COQ7: variants seen among roughly 807,000 people sequenced by gnomAD.
The protein encoded by COQ7 is coenzyme Q7, hydroxylase.
In COQ7, 21 loss-of-function variants were observed where a neutral mutation model predicts 25.0. That is an observed-to-expected ratio of 0.84 (90% CI 0.60 to 1.21). COQ7 has a LOEUF of 1.21. COQ7 is among the 50% of genes most tolerant of loss of function. The pLI is 0.00. For synonymous variants in COQ7, 125 were observed against 112.4 expected (o/e 1.11, Z -0.71); for missense variants, 311 against 296.2 (o/e 1.05, Z -0.37).
intron 2 of COQ7, chr16:19,072,314 C>T: frequency 1.7e-6 from 1 of 588,030 alleles, no homozygotes; most frequent in Admixed American, 3.1e-5. Context: ...AGTACATAGA[C>T]AGGTATGCGG....
At chr16:19,075,211 T>C (rs1037624553) in intron 3 of COQ7, among the ~76,000 whole-genome samples, 6 of 149,906 alleles carry the variant, frequency 4.0e-5, no homozygotes, top group African/African-American at 7.4e-5. Flanking sequence ...TTTTTTTTTT[T>C]TTTTTTTTTG....
intron 1 of COQ7, among the ~76,000 whole-genome samples, chr16:19,071,062 A>G (rs533006111): frequency 6.6e-6 from 1 of 152,348 alleles, no homozygotes; most frequent in East Asian, 1.9e-4. Context: ...AGTGAAATCT[A>G]GGCTCCAAGG....
chr16:19,074,316 GA>G (rs1457577803), intron 3 of COQ7, among the ~76,000 whole-genome samples: 1 of 151,910 alleles, frequency 6.6e-6, no homozygotes. Context: ...ATGAGGTCAG[GA>G]GTTCGAGACC....
chr16:19,080,972 A>C (rs939124196), downstream of COQ7, among the ~76,000 whole-genome samples: 1 of 152,220 alleles, frequency 6.6e-6, no homozygotes, highest in Non-Finnish European at 1.5e-5. Flanking sequence ...GAATAAAGGA[A>C]AAACATTCAG....
rs56267950 is a variant in COQ7 at position 19,072,292 on chromosome 16, A to G, written c.252+186A>G. ...ATTGTTCTTTTTATGGATAAAGCAC[A>G]GAGAGACATCTAGTACATAGACAGG... is the stretch of plus-strand genomic sequence containing the variant. On this transcript the variant is annotated intron_variant, in intron 2 of 5. Coordinates refer to ENST00000321998, the MANE Select transcript of COQ7 (RefSeq NM_016138.5). 0.059 allele frequency: 37,966 copies of G among 642,324 alleles called. 1,562 individuals carry two copies. Among genetic ancestry groups the G allele is most frequent in the Non-Finnish European group, 0.076 (28,519 of 375,508 alleles). 39.8% of individuals were successfully genotyped at this position (642,324 alleles called of 1,614,324 possible). A position where few individuals can be genotyped will look rare whatever the true frequency, so the allele number is the denominator to read the frequency against.
In COQ7 at chr16:19,072,077, G is replaced by T. The variant is rs1281143863; in HGVS notation, c.223G>T (p.Gly75Cys). 4 of 1,614,038 alleles carry T rather than the reference G, an allele frequency of 2.5e-6. No individual in the cohort carries two copies. In the Admixed American group the frequency reaches 5.0e-5, roughly 20 times the overall value. The change falls in exon 2 of 6, where the codon GGT (glycine) becomes TGT (cysteine). Residue 75 changes from glycine to cysteine, a missense_variant. Transcript: ENST00000321998. ...RIYAGQMAVL[G>C]RTSVGPVIQK... ...CTATGCCGGGCAGATGGCTGTCCTG[G>T]GTCGGACCAGCGTCGGGCCAGTCAT...
intron 1 of COQ7, among the ~76,000 whole-genome samples, chr16:19,069,311 T>C (rs901356631): frequency 1.3e-5 from 2 of 152,214 alleles, no homozygotes; most frequent in Non-Finnish European, 2.9e-5. Context: ...GTTTATAAAG[T>C]TACTTTGCTT....
chr16:19,077,541 G>A (rs1026631044), intron 5 of COQ7, among the ~76,000 whole-genome samples, 167 bp downstream of exon 5: 1 of 137,896 alleles, frequency 7.3e-6, no homozygotes, highest in Non-Finnish European at 1.6e-5. Context: ...TATTGCTCCA[G>A]ATTGGGAATC....
intron 1 of COQ7, chr16:19,068,033 G>A (rs993183351): frequency 4.0e-6 from 5 of 1,263,366 alleles, no homozygotes; most frequent in Non-Finnish European, 5.0e-6. Context: ...CCGAGTCGAG[G>A]ACAGTTGGCG....
In COQ7 at chr16:19,078,284, G is replaced by GTT; in HGVS notation, c.*128_*129dup. 6 of 695,212 alleles carry GTT rather than the reference G, an allele frequency of 8.6e-6. No individual in the cohort carries two copies. The highest frequency in any genetic ancestry group is 6.0e-5 in the African/African-American group (3 of 50,408). 43.1% of individuals were successfully genotyped at this position (695,212 alleles called of 1,614,324 possible). ...GTGAATTTTGTTAATAAATTATAAG[G>GTT]TTTGTTTTTTTTTTTTTAAACTCTG... On this transcript the variant is annotated 3_prime_UTR_variant, in exon 6 of 6. Transcript: ENST00000321998.
chr16:19,073,703 G>T (rs571772748), intron 2 of COQ7, among the ~76,000 whole-genome samples: 56 of 152,278 alleles, frequency 3.7e-4, no homozygotes, highest in African/African-American at 1.3e-3. Flanking sequence ...AACTGGAATT[G>T]AGATAATAGA....
intron 1 of COQ7, 97 bp from the exon 2 acceptor site, chr16:19,071,830 AT>A: frequency 7.1e-7 from 1 of 1,398,938 alleles, no homozygotes; most frequent in South Asian, 1.3e-5. Context: ...TGGGGAACTG[AT>A]TTGTGACCTC....
intron 2 of COQ7, among the ~76,000 whole-genome samples, chr16:19,073,007 C>T (rs767767135): frequency 3.5e-4 from 53 of 151,920 alleles, no homozygotes; most frequent in Non-Finnish European, 4.7e-4. Context: ...TCCGTCTCTA[C>T]GAAAAATACA....
intron 4 of COQ7, among the ~76,000 whole-genome samples, chr16:19,076,585 C>CTTTTT: frequency 1.2e-5 from 1 of 80,510 alleles, no homozygotes; most frequent in Non-Finnish European, 2.4e-5. Flanking sequence ...GTGCTGTTCA[C>CTTTTT]TTTTTTTTTT....
Position 19,067,710 on chromosome 16 carries a change from C to A in COQ7, c.46C>A (p.Arg16Ser). 6.2e-7 allele frequency: 1 copy of A among 1,606,902 alleles called. No individual in the cohort carries two copies. Among genetic ancestry groups the A allele is most frequent in the Non-Finnish European group, 8.5e-7 (1 of 1,177,880 alleles). Residue 16 changes from arginine to serine, a missense_variant, in exon 1 of 6, where the codon CGC (arginine) becomes AGC (serine). Arg to Ser is a moderately radical substitution (Grantham distance 110, BLOSUM62 -1). Transcript: ENST00000321998. ...AAAAPRLWRL[R>S]PGARRSLSAY... Reference sequence around the variant, plus strand: ...GGCGGCTCCCCGCCTTTGGCGGCTGCGCCCGGGGGCCCGGCGGTCCCTCTC... The same window carrying A: ...GGCGGCTCCCCGCCTTTGGCGGCTGAGCCCGGGGGCCCGGCGGTCCCTCTC...
At chr16:19,069,111 G>C (rs1962412311) in intron 1 of COQ7, among the ~76,000 whole-genome samples, 1 of 152,104 alleles carries the variant, frequency 6.6e-6, no homozygotes, top group South Asian at 2.1e-4. Context: ...ATATTTTGTA[G>C]GTACCACACT....
chr16:19,071,449 A>G (rs1962552798), intron 1 of COQ7, among the ~76,000 whole-genome samples: 1 of 152,248 alleles, frequency 6.6e-6, no homozygotes, highest in African/African-American at 2.4e-5. Context: ...TGTGGATTTT[A>G]AGAGAACTTA....
intron 4 of COQ7, 95 bp from the exon 5 acceptor site, chr16:19,077,211 T>G (rs1962894343): frequency 5.6e-6 from 6 of 1,077,850 alleles, no homozygotes; most frequent in Non-Finnish European, 8.6e-6. Flanking sequence ...CCTCCCTGTC[T>G]TAGGCCATAA....
At chr16:19,072,737 G>T (rs1218335228) in intron 2 of COQ7, among the ~76,000 whole-genome samples, 4 of 152,202 alleles carry the variant, frequency 2.6e-5, no homozygotes, top group Non-Finnish European at 5.9e-5. Context: ...GTATACTGGC[G>T]CAGTCATAGT....
Sources: allele counts gnomAD v4.1 joint callset (sites outside exome capture counted in the v4.1 genomes callset), GRCh38; gene constraint gnomAD v4.1.1; transcripts MANE v1.5; gene names NCBI Gene and HGNC (gene_info 2026-07-23, HGNC 2026-07-21).